Variants in CTNNA1 observed in about 807,000 individuals in gnomAD.
The protein encoded by CTNNA1 is catenin alpha 1, also known as catenin alpha-1.
CTNNA1 carries 37 observed loss-of-function variants against 98.4 expected under a neutral mutation model. The observed-to-expected ratio is 0.38, with a 90% CI of 0.29 to 0.49. CTNNA1 has a LOEUF of 0.49. Ranked by LOEUF, CTNNA1 falls within the 20% of genes least tolerant of loss-of-function variation. CTNNA1 has a pLI of 0.95. For synonymous variants in CTNNA1, 404 were observed against 413.2 expected (o/e 0.98, Z 0.27); for missense variants, 761 against 1,147.2 (o/e 0.66, Z 4.86).
intron 7 of CTNNA1, among the ~76,000 whole-genome samples, chr5:138,865,578 A>C (rs1284755431): frequency 1.3e-5 from 2 of 152,228 alleles, no homozygotes; most frequent in East Asian, 3.8e-4. Flanking sequence ...GCCACCAGGA[A>C]GATCAGGGCC....
chr5:138,833,270 T>TA (rs1167515680), intron 7 of CTNNA1, among the ~76,000 whole-genome samples: 1 of 152,210 alleles, frequency 6.6e-6, no homozygotes, highest in East Asian at 1.9e-4. Context: ...CGTTAGGGCT[T>TA]ATAATTGGTA....
chr5:138,778,090 T>G (rs1754603824), intron 1 of CTNNA1, among the ~76,000 whole-genome samples: 3 of 138,910 alleles, frequency 2.2e-5, no homozygotes, highest in African/African-American at 7.9e-5. Context: ...CTCCCCCAGG[T>G]TCATGCCATT....
At chr5:138,819,377 A>G (rs985013255) in intron 5 of CTNNA1, among the ~76,000 whole-genome samples, 6 of 152,202 alleles carry the variant, frequency 3.9e-5, no homozygotes, top group Non-Finnish European at 7.4e-5. Flanking sequence ...AGCAGTTCAG[A>G]CTCTAGAGAA....
At chr5:138,839,417 T>G (rs899626126) in intron 7 of CTNNA1, among the ~76,000 whole-genome samples, 2 of 152,044 alleles carry the variant, frequency 1.3e-5, no homozygotes, top group African/African-American at 2.4e-5. Context: ...GCCAGGCTGG[T>G]CTCTAACTCC....
intron 1 of CTNNA1, among the ~76,000 whole-genome samples, chr5:138,779,913 A>G (rs548048381): frequency 2.6e-5 from 4 of 151,688 alleles, no homozygotes; most frequent in Admixed American, 6.6e-5. Context: ...ACGGGGTTTC[A>G]CTATGTTGGC....
At chr5:138,904,506 G>A in intron 10 of CTNNA1, 65 bp downstream of exon 10, 1 of 1,563,712 alleles carries the variant, frequency 6.4e-7, no homozygotes, top group East Asian at 2.3e-5. Context: ...TGGAGATGAG[G>A]TTTATTTTGT....
At chr5:138,853,834 G>T (rs894647480) in intron 7 of CTNNA1, among the ~76,000 whole-genome samples, 4 of 152,194 alleles carry the variant, frequency 2.6e-5, no homozygotes, top group Non-Finnish European at 5.9e-5. Context: ...TCAAATGAGG[G>T]TTTGAAATAA....
At chr5:138,860,683 A>G (rs1017498558) in intron 7 of CTNNA1, among the ~76,000 whole-genome samples, 6 of 151,928 alleles carry the variant, frequency 3.9e-5, no homozygotes, top group African/African-American at 1.5e-4. Flanking sequence ...TTTAGTAGAG[A>G]CGGGGTTTCA....
At chr5:138,855,052 G>A (rs112616571) in intron 7 of CTNNA1, among the ~76,000 whole-genome samples, 1 of 152,136 alleles carries the variant, frequency 6.6e-6, no homozygotes, top group Non-Finnish European at 1.5e-5. Flanking sequence ...GTTTGTTTTT[G>A]TTTTGAGACG....
chr5:138,763,756 G>A (rs1413885000), intron 1 of CTNNA1, among the ~76,000 whole-genome samples: 3 of 152,226 alleles, frequency 2.0e-5, no homozygotes, highest in African/African-American at 7.2e-5. Context: ...CAGTGTTTGT[G>A]GGTTTTATAT....
chr5:138,900,502 G>A (rs1457568470), intron 9 of CTNNA1, among the ~76,000 whole-genome samples: 3 of 152,052 alleles, frequency 2.0e-5, no homozygotes, highest in Non-Finnish European at 4.4e-5. Context: ...TAAGGAAGTG[G>A]GAAACAACTT....
rs1755159437 is a variant in CTNNA1 at position 138,781,960 on chromosome 5, G to A, written c.36G>A (p.Lys12=). The A allele has an allele frequency of 3.1e-6, 5 of 1,599,938 alleles. No homozygotes were observed. The highest frequency in any genetic ancestry group is 3.4e-6 in the Non-Finnish European group (4 of 1,176,984). The change falls in exon 2 of 18, where the codon AAG becomes AAA. Residue 12 remains lysine, a synonymous_variant. Transcript: ENST00000302763. ...TAVHAGNINF[K]WDPKSLEIRT... is the part of the protein sequence containing the mutation. ...TCCATGCAGGCAACATAAACTTCAAGTGGGATCCTAAAAGTCTAGAGATCA... is the reference window on the plus strand; with the variant it reads ...TCCATGCAGGCAACATAAACTTCAAATGGGATCCTAAAAGTCTAGAGATCA...
intron 16 of CTNNA1, chr5:138,932,182 C>T: frequency 9.9e-7 from 1 of 1,011,868 alleles, no homozygotes; most frequent in Non-Finnish European, 1.2e-6. Context: ...GACTTTTCTC[C>T]ATAGCCAGGC....
At chr5:138,895,343 G>A (rs1400937268) in intron 9 of CTNNA1, among the ~76,000 whole-genome samples, 3 of 152,192 alleles carry the variant, frequency 2.0e-5, no homozygotes, top group African/African-American at 7.2e-5. Flanking sequence ...TCTGAAGTAT[G>A]TGTAACATTT....
intron 10 of CTNNA1, among the ~76,000 whole-genome samples, chr5:138,905,165 C>G (rs1228318651): frequency 6.6e-6 from 1 of 151,384 alleles, no homozygotes; most frequent in African/African-American, 2.4e-5. Flanking sequence ...TGGCGTGCAC[C>G]TGTAGTCCCA....
intron 7 of CTNNA1, among the ~76,000 whole-genome samples, chr5:138,842,840 C>A (rs1762385673): frequency 6.6e-6 from 1 of 152,146 alleles, no homozygotes; most frequent in South Asian, 2.1e-4. Flanking sequence ...TTAAAAAACA[C>A]CTGACACCAT....
intron 9 of CTNNA1, among the ~76,000 whole-genome samples, chr5:138,900,857 G>A (rs1450293879): frequency 6.6e-6 from 1 of 152,080 alleles, no homozygotes; most frequent in African/African-American, 2.4e-5. Context: ...CTGCTCTTCC[G>A]CAAGGTCCAA....
intron 11 of CTNNA1, among the ~76,000 whole-genome samples, chr5:138,922,037 C>T (rs895822301): frequency 6.6e-6 from 1 of 151,948 alleles, no homozygotes; most frequent in African/African-American, 2.4e-5. Context: ...TTGTGTGCAG[C>T]AGCCCTGCAT....
At chr5:138,821,982 C>T (rs1760093622) in intron 5 of CTNNA1, among the ~76,000 whole-genome samples, 1 of 152,118 alleles carries the variant, frequency 6.6e-6, no homozygotes, top group African/African-American at 2.4e-5. Flanking sequence ...AATCTAATTT[C>T]TTTGTGCTAA....
Sources: allele counts gnomAD v4.1 joint callset (sites outside exome capture counted in the v4.1 genomes callset), GRCh38; gene constraint gnomAD v4.1.1; transcripts MANE v1.5; gene names NCBI Gene and HGNC (gene_info 2026-07-23, HGNC 2026-07-21).